HECW2: variants seen among roughly 807,000 people sequenced by gnomAD.
HECW2 encodes HECT, C2 and WW domain containing E3 ubiquitin protein ligase 2.
In HECW2, 61 loss-of-function variants were observed where a neutral mutation model predicts 175.2. The observed-to-expected ratio is 0.35, with a 90% CI of 0.28 to 0.43. The LOEUF (loss-of-function observed/expected upper bound fraction) is 0.43. Ranked by LOEUF, HECW2 falls within the 20% of genes least tolerant of loss-of-function variation. The probability of loss-of-function intolerance (pLI) is 1.00; values close to 1 mark genes in which losing one functional copy is unlikely to be tolerated. For missense variants in HECW2, 1,524 were observed against 2,000.5 expected, an observed-to-expected ratio of 0.76 and a Z score of 4.54; for synonymous variants, 671 against 731.0, an observed-to-expected ratio of 0.92 and a Z score of 1.32.
chr2:196,204,978 T>C (rs1377116010), intron 28 of HECW2, among the ~76,000 whole-genome samples: 1 of 152,238 alleles, frequency 6.6e-6, no homozygotes, highest in Non-Finnish European at 1.5e-5. Flanking sequence ...CTCTTTTCAG[T>C]TCTCAACACA....
chr2:196,554,084 A>AT (rs1689701369), intron 1 of HECW2, among the ~76,000 whole-genome samples: 1 of 152,024 alleles, frequency 6.6e-6, no homozygotes, highest in South Asian at 2.1e-4. Context: ...CACGCCTGTA[A>AT]TCCCAGCACT....
chr2:196,542,574 T>C (rs1216051026), intron 1 of HECW2, among the ~76,000 whole-genome samples: 1 of 152,040 alleles, frequency 6.6e-6, no homozygotes, highest in Non-Finnish European at 1.5e-5. Flanking sequence ...TGGTAAATAT[T>C]GAAAAGTCTC....
chr2:196,482,132 G>T (rs1206169080), intron 1 of HECW2, among the ~76,000 whole-genome samples: 1 of 152,148 alleles, frequency 6.6e-6, no homozygotes, highest in Non-Finnish European at 1.5e-5. Context: ...ACCTCTCATG[G>T]TGCTTTTAAA....
At chr2:196,406,676 C>T (rs565595308) in intron 2 of HECW2, among the ~76,000 whole-genome samples, 93 of 152,304 alleles carry the variant, frequency 6.1e-4, no homozygotes, top group Non-Finnish European at 1.2e-3. Flanking sequence ...CCATTTCCAC[C>T]TGGCCCGCCA....
At chr2:196,409,974 G>A (rs747736942) in intron 2 of HECW2, among the ~76,000 whole-genome samples, 1 of 152,172 alleles carries the variant, frequency 6.6e-6, no homozygotes, top group Non-Finnish European at 1.5e-5. Flanking sequence ...GTTTGGTAGA[G>A]TTTGGGGGTT....
chr2:196,275,498 A>G (rs1575339799), intron 15 of HECW2, among the ~76,000 whole-genome samples: 1 of 152,302 alleles, frequency 6.6e-6, no homozygotes, highest in South Asian at 2.1e-4. Context: ...TCACACCTAT[A>G]ATCCCAGCAC....
intron 14 of HECW2, chr2:196,287,951 C>T (rs1690452795): frequency 1.3e-5 from 2 of 152,098 alleles, no homozygotes; most frequent in African/African-American, 4.8e-5. Flanking sequence ...TACAGTGGAC[C>T]CTTGCATAGC....
intron 2 of HECW2, among the ~76,000 whole-genome samples, chr2:196,416,417 A>G (rs182059991): frequency 1.3e-5 from 2 of 152,364 alleles, no homozygotes; most frequent in East Asian, 1.9e-4. Context: ...CTTTACAAAA[A>G]CAGTATTGGT....
chr2:196,316,481 G>C (rs946631020), intron 10 of HECW2: 2 of 152,092 alleles, frequency 1.3e-5, no homozygotes, highest in African/African-American at 4.8e-5. Flanking sequence ...AAGGCAAAAG[G>C]GTATACCTTC....
intron 1 of HECW2, among the ~76,000 whole-genome samples, chr2:196,436,140 C>G (rs1188676619): frequency 6.6e-6 from 1 of 152,268 alleles, no homozygotes; most frequent in South Asian, 2.1e-4. Flanking sequence ...GTGGCACGCG[C>G]CTGTAATCCC....
At chr2:196,555,077 T>C (rs919749365) in intron 1 of HECW2, among the ~76,000 whole-genome samples, 1 of 152,030 alleles carries the variant, frequency 6.6e-6, no homozygotes, top group Non-Finnish European at 1.5e-5. Context: ...AGGATAAATA[T>C]GGCCTAAAAT....
chr2:196,222,136 C>G (rs573198135), intron 24 of HECW2, 75 bp downstream of exon 24: 4 of 1,336,606 alleles, frequency 3.0e-6, no homozygotes, highest in Admixed American at 4.1e-5. Context: ...CTGATCTTAG[C>G]CATGGAGTTA....
At chr2:196,451,566 G>A (rs1367894787) in intron 1 of HECW2, among the ~76,000 whole-genome samples, 1 of 151,842 alleles carries the variant, frequency 6.6e-6, no homozygotes, top group Admixed American at 6.6e-5. Context: ...AGAGTTACAA[G>A]AATCACAGAC....
At chr2:196,531,445 C>G (rs1395688085) in intron 1 of HECW2, among the ~76,000 whole-genome samples, 2 of 152,092 alleles carry the variant, frequency 1.3e-5, no homozygotes, top group East Asian at 1.9e-4. Context: ...ATCACAAGGT[C>G]AGGAGTTCGA....
At chr2:196,276,106 A>T (rs981434208) in intron 15 of HECW2, among the ~76,000 whole-genome samples, 1 of 152,186 alleles carries the variant, frequency 6.6e-6, no homozygotes, top group Non-Finnish European at 1.5e-5. Flanking sequence ...GCCATGTCTC[A>T]TCATTTCCCA....
chr2:196,351,594 C>T (rs903915807), intron 2 of HECW2, among the ~76,000 whole-genome samples: 1 of 152,094 alleles, frequency 6.6e-6, no homozygotes, highest in Admixed American at 6.5e-5. Flanking sequence ...GCCATGTGAC[C>T]GATTGTGCCA....
In HECW2 at chr2:196,197,541, G is replaced by A. The variant is rs1384090233; in HGVS notation, c.*3736C>T. The A allele has an allele frequency of 2.0e-5, 3 of 151,804 alleles. No homozygotes were observed. Among genetic ancestry groups the A allele is most frequent in the Non-Finnish European group, 2.9e-5 (2 of 67,982 alleles). 9.4% of individuals were successfully genotyped at this position (151,804 alleles called of 1,614,324 possible). A position where few individuals can be genotyped will look rare whatever the true frequency, so the allele number is the denominator to read the frequency against. The stretch of plus-strand genomic sequence containing the variant: ...AGTCATGAAATGCAAATAAGTCTAC[G>A]GGGAAATTTTTTCCATGAATATACT... On this transcript the variant is annotated 3_prime_UTR_variant, in exon 29 of 29. Coordinates refer to ENST00000644978, the MANE Select transcript of HECW2 (RefSeq NM_001348768.2).
At chr2:196,351,934 C>A (rs541324651) in intron 2 of HECW2, among the ~76,000 whole-genome samples, 1 of 152,162 alleles carries the variant, frequency 6.6e-6, no homozygotes, top group Non-Finnish European at 1.5e-5. Context: ...AATTTACCAG[C>A]AAGTACCAGG....
At chr2:196,275,919 T>C (rs187293338) in intron 15 of HECW2, among the ~76,000 whole-genome samples, 40 of 152,304 alleles carry the variant, frequency 2.6e-4, no homozygotes, top group Admixed American at 2.6e-3. Flanking sequence ...AGACAGTGGC[T>C]CAAATGACTC....
Sources: allele counts gnomAD v4.1 joint callset (sites outside exome capture counted in the v4.1 genomes callset), GRCh38; gene constraint gnomAD v4.1.1; transcripts MANE v1.5; gene names NCBI Gene and HGNC (gene_info 2026-07-23, HGNC 2026-07-21).